Variants in SEM1 observed in about 807,000 individuals in gnomAD.
SEM1 encodes the protein 26S proteasome complex subunit SEM1.
Under a neutral mutation model 12.7 loss-of-function variants are expected in SEM1, and 3 were observed. That is an observed-to-expected ratio of 0.24 (90% confidence interval 0.11 to 0.61). The LOEUF (loss-of-function observed/expected upper bound fraction) is 0.61, where lower values mean the gene tolerates loss of function less well. Among genes scored for constraint, SEM1 ranks in the 20% least tolerant of loss-of-function variants. The probability of loss-of-function intolerance (pLI) is 0.88; values close to 1 mark genes in which losing one functional copy is unlikely to be tolerated. For missense variants in SEM1, 59 were observed against 81.3 expected (o/e 0.73, Z 1.06); for synonymous variants, 30 against 27.8 (o/e 1.08, Z -0.25).
upstream of SEM1, among the ~76,000 whole-genome samples, chr7:96,498,531 A>T (rs145095238): frequency 6.6e-6 from 1 of 152,164 alleles, no homozygotes; most frequent in African/African-American, 2.4e-5. Context: ...TACGACAGAG[A>T]TGAATTGAGG....
At chr7:96,605,470 G>A (rs1048258864) in intron 2 of SEM1, among the ~76,000 whole-genome samples, 5 of 152,122 alleles carry the variant, frequency 3.3e-5, no homozygotes, top group African/African-American at 1.2e-4. Context: ...TTGGGGAGCT[G>A]GTCAGGAGTT....
At chr7:96,608,518 C>A (rs1463549207) in intron 2 of SEM1, among the ~76,000 whole-genome samples, 1 of 152,140 alleles carries the variant, frequency 6.6e-6, no homozygotes, top group Admixed American at 6.5e-5. Flanking sequence ...TTGCCATAAT[C>A]TAATTTTAAA....
intron 2 of SEM1, among the ~76,000 whole-genome samples, chr7:96,528,351 C>T (rs2115695458): frequency 6.6e-6 from 1 of 152,146 alleles, no homozygotes; most frequent in East Asian, 1.9e-4. Context: ...GCCACCACAC[C>T]TGGCTAATTT....
chr7:96,553,387 G>A (rs1805361723), intron 2 of SEM1, among the ~76,000 whole-genome samples: 1 of 150,150 alleles, frequency 6.7e-6, no homozygotes, highest in Admixed American at 6.6e-5. Context: ...TGTAAGGAAG[G>A]GATCCAGTTT....
intron 2 of SEM1, chr7:96,656,551 CT>C (rs1196888991): frequency 6.7e-6 from 1 of 150,152 alleles, no homozygotes; most frequent in Non-Finnish European, 1.5e-5. Context: ...ATAAGTTATA[CT>C]TTTTTTCTTT....
intron 2 of SEM1, among the ~76,000 whole-genome samples, chr7:96,508,687 T>C (rs1465346586): frequency 2.0e-5 from 3 of 152,144 alleles, no homozygotes; most frequent in East Asian, 3.9e-4. Flanking sequence ...ATTAATACCA[T>C]GTTCACTTTT....
At position 96,572,611 on chromosome 7, in the gene SEM1, C is replaced by G. The variant is rs547376904; in HGVS notation, c.171-65913G>C. ...TGCGGTTTTGAGTGAGTTTCTTTAT[C>G]TGAGTTCTAATTTGATTGCACTGTG... On this transcript the variant is annotated intron_variant and NMD_transcript_variant, in intron 2 of 3. Transcript: ENST00000466986. Among the ~76,000 whole-genome samples, 272 of 152,188 alleles carry G rather than the reference C, an allele frequency of 1.8e-3. 1 individual carries two copies. The highest frequency in any genetic ancestry group is 6.4e-3 in the African/African-American group (264 of 41,536).
At chr7:96,584,467 A>G (rs1197571427) in intron 2 of SEM1, among the ~76,000 whole-genome samples, 1 of 151,806 alleles carries the variant, frequency 6.6e-6, no homozygotes, top group Non-Finnish European at 1.5e-5. Flanking sequence ...CTTCTCGAGG[A>G]GTATCTTTGT....
At chr7:96,621,182 A>C (rs1807881839), downstream of SEM1, among the ~76,000 whole-genome samples, 1 of 152,234 alleles carries the variant, frequency 6.6e-6, no homozygotes. Flanking sequence ...TGTCCAGGAA[A>C]GCTTGAAATT....
Position 96,516,891 on chromosome 7 carries a change from T to G in SEM1, c.171-10193A>C, listed in dbSNP as rs144695019. On this transcript the variant is annotated intron_variant and NMD_transcript_variant, in intron 2 of 3. Transcript: ENST00000466986. ...AAAGACAATGGAATATTATTCAGTA[T>G]TAAAAAGAAACGAGCTACCCAGCCA... Among the ~76,000 whole-genome samples the G allele has an allele frequency of 7.7e-3, 1,173 of 152,238 alleles. 18 individuals are homozygous for G. Among genetic ancestry groups the G allele is most frequent in the African/African-American group, 0.027 (1,119 of 41,556 alleles).
exon 4 of SEM1, chr7:96,483,644 G>A (rs1477855238): frequency 1.1e-5 from 6 of 561,902 alleles, no homozygotes; most frequent in South Asian, 2.0e-5. Context: ...GAGGGAAAGA[G>A]CACTAGAATA....
At chr7:96,583,868 G>A (rs1806506805) in intron 2 of SEM1, among the ~76,000 whole-genome samples, 1 of 150,568 alleles carries the variant, frequency 6.6e-6, no homozygotes, top group South Asian at 2.2e-4. Context: ...ATGTGTCTCT[G>A]CACGTGAGAT....
intron 2 of SEM1, among the ~76,000 whole-genome samples, chr7:96,570,796 G>C (rs1425281055): frequency 6.6e-6 from 1 of 152,122 alleles, no homozygotes; most frequent in East Asian, 1.9e-4. Flanking sequence ...CACAATGGTT[G>C]AACTAATTTA....
At chr7:96,536,944 A>G (rs1284260622) in intron 2 of SEM1, among the ~76,000 whole-genome samples, 2 of 151,770 alleles carry the variant, frequency 1.3e-5, no homozygotes, top group African/African-American at 4.8e-5. Flanking sequence ...ATTAATATCT[A>G]CTATACTAGA....
At chr7:96,643,322 C>T (rs779953064) in intron 2 of SEM1, among the ~76,000 whole-genome samples, 89 of 151,284 alleles carry the variant, frequency 5.9e-4, no homozygotes, top group Non-Finnish European at 9.9e-4. Context: ...ATGGTGTATA[C>T]GTACCATATT....
At chr7:96,708,131 T>C (rs997474446) in intron 1 of SEM1, 1 of 152,184 alleles carries the variant, frequency 6.6e-6, no homozygotes, top group Admixed American at 6.5e-5. Flanking sequence ...TAAGTTTGAG[T>C]AAGAAGTAGA....
At chr7:96,671,675 G>T (rs769345453), downstream of SEM1, among the ~76,000 whole-genome samples, 1 of 152,166 alleles carries the variant, frequency 6.6e-6, no homozygotes, top group Non-Finnish European at 1.5e-5. Flanking sequence ...ACATATAACC[G>T]ATTGAAGAGA....
upstream of SEM1, among the ~76,000 whole-genome samples, chr7:96,500,197 G>T (rs1431071102): frequency 1.3e-5 from 2 of 151,806 alleles, no homozygotes; most frequent in African/African-American, 4.8e-5. Context: ...GAGAGGTGAA[G>T]CCACACACCC....
chr7:96,558,313 C>T lies in SEM1; in HGVS notation c.171-51615G>A, dbSNP rs1222885706. On this transcript the variant is annotated intron_variant and NMD_transcript_variant, in intron 2 of 3. Transcript: ENST00000466986. Reference sequence around the variant, plus strand: ...GGGCAGAGAATACAGTCTTTGCCTTCCAGAAGTTTAGTTGGGTAAACCAAT... The same window carrying T: ...GGGCAGAGAATACAGTCTTTGCCTTTCAGAAGTTTAGTTGGGTAAACCAAT... The T allele has an allele frequency of 2.6e-5, 4 of 152,364 alleles. No individual in the cohort carries two copies. In the East Asian group the frequency reaches 7.7e-4, roughly 29 times the overall value. The allele number at this position is 152,364 out of a possible 1,614,324, so 9.4% of individuals were successfully genotyped here.
Sources: gnomAD v4.1 joint callset for allele counts (sites outside exome capture counted in the v4.1 genomes callset) on GRCh38, gnomAD v4.1.1 for gene constraint, MANE v1.5 for transcripts, NCBI Gene and HGNC (gene_info 2026-07-23, HGNC 2026-07-21) for gene names.